FMN2: variants seen among roughly 807,000 people sequenced by gnomAD.
FMN2 encodes formin-2.
Under a neutral mutation model 142.3 loss-of-function variants are expected in FMN2, and 51 were observed. That is an observed-to-expected ratio of 0.36 (90% CI 0.29 to 0.45). The LOEUF (loss-of-function observed/expected upper bound fraction) is 0.45. Among genes scored for constraint, FMN2 ranks in the 20% least tolerant of loss-of-function variants. The pLI, the probability that FMN2 is intolerant of heterozygous loss-of-function variation, is 1.00. For synonymous variants in FMN2, 882 were observed against 869.8 expected, an observed-to-expected ratio of 1.01 and a Z score of -0.25; for missense variants, 1,936 against 2,122.8, an observed-to-expected ratio of 0.91 and a Z score of 1.73.
At chr1:240,263,722 A>T (rs897568225) in intron 7 of FMN2, among the ~76,000 whole-genome samples, 1 of 152,116 alleles carries the variant, frequency 6.6e-6, no homozygotes, top group Non-Finnish European at 1.5e-5. Context: ...TAGATTACAG[A>T]TCTCATCACA....
chr1:240,207,402 A>G lies in FMN2; in HGVS notation c.2590A>G (p.Thr864Ala), dbSNP rs114291166. ...NIPSPPPLPC[T>A]ESSSSMPGLG... ...CCCATCTCCACCACCTCTGCCTTGCACAGAGTCCTCCAGCTCCATGCCTGG... is the reference window on the plus strand; with the variant it reads ...CCCATCTCCACCACCTCTGCCTTGCGCAGAGTCCTCCAGCTCCATGCCTGG... The change falls in exon 5 of 18, where the codon ACA (threonine) becomes GCA (alanine). Residue 864 changes from threonine (T) to alanine (A), a missense_variant. By Grantham distance (58) the Thr-to-Ala change is moderately conservative (BLOSUM62 0). Around this residue, in one of 8 missense-constraint regions of FMN2, gnomAD observed 478 missense variants for 462.8 expected, o/e 1.03. Coordinates refer to ENST00000319653, the MANE Select transcript of FMN2 (RefSeq NM_020066.5). The G allele has an allele frequency of 0.025, 41,041 of 1,613,762 alleles. 663 individuals are homozygous for G. The highest frequency in any genetic ancestry group is 0.03 in the Non-Finnish European group (35,422 of 1,179,844).
Position 240,199,792 on chromosome 1 carries a change from G to A in FMN2, c.1987-7007G>A, listed in dbSNP as rs77119233. Among the ~76,000 whole-genome samples the A allele has an allele frequency of 5.0e-3, 763 of 152,162 alleles. 5 individuals carry two copies. The highest frequency in any genetic ancestry group is 0.017 in the African/African-American group (725 of 41,516). On this transcript the variant is annotated intron_variant, in intron 4 of 17. Coordinates refer to ENST00000319653, the MANE Select transcript of FMN2 (RefSeq NM_020066.5). ...AAAGCATATTAATTATTGTATTGAC[G>A]AACTAAAAATAGATTTAACCTTCCT...
chr1:240,403,188 T>G (rs1157263025), intron 15 of FMN2, among the ~76,000 whole-genome samples: 1 of 152,236 alleles, frequency 6.6e-6, no homozygotes, highest in Non-Finnish European at 1.5e-5. Flanking sequence ...CTGTGAGTAA[T>G]GACAAACAAA....
chr1:240,323,613 T>C (rs980946963), intron 8 of FMN2, among the ~76,000 whole-genome samples: 1 of 152,226 alleles, frequency 6.6e-6, no homozygotes, highest in Admixed American at 6.5e-5. Flanking sequence ...GTGAAAGATC[T>C]TTCTAATATT....
intron 16 of FMN2, among the ~76,000 whole-genome samples, chr1:240,465,163 A>G (rs1034017830): frequency 6.6e-6 from 1 of 152,150 alleles, no homozygotes; most frequent in Non-Finnish European, 1.5e-5. Context: ...AAGACATCGA[A>G]TAAACTTCCC....
intron 3 of FMN2, 90 bp downstream of exon 3, chr1:240,178,158 T>G: frequency 7.6e-7 from 1 of 1,317,830 alleles, no homozygotes; most frequent in Non-Finnish European, 9.9e-7. Context: ...AGTAATCTTT[T>G]ATTTTTAATT....
intron 15 of FMN2, among the ~76,000 whole-genome samples, chr1:240,437,420 C>G (rs1484316578): frequency 6.6e-6 from 1 of 151,802 alleles, no homozygotes; most frequent in Non-Finnish European, 1.5e-5. Flanking sequence ...CTCAGCCTCC[C>G]AAGTAGCTGG....
chr1:240,144,654 C>G (rs1663358472), intron 2 of FMN2: 3 of 1,291,902 alleles, frequency 2.3e-6, no homozygotes, highest in Non-Finnish European at 3.4e-6. Flanking sequence ...TTCTCAGGCT[C>G]AGACACATAA....
Position 240,091,999 on chromosome 1 carries a change from C to G in FMN2, c.-111C>G, listed in dbSNP as rs569874017. 4,013 of 1,379,316 alleles carry G rather than the reference C, an allele frequency of 2.9e-3. 120 individuals carry two copies. In the African/African-American group the frequency reaches 0.055, roughly 19 times the overall value. 85.4% of individuals were successfully genotyped at this position (1,379,316 alleles called of 1,614,324 possible). ...CGGCCTCCCCTCCCAGCGGCTCCCCCCGCCGCCGCCTGACTCTCCCGGGAG... is the reference window on the plus strand; with the variant it reads ...CGGCCTCCCCTCCCAGCGGCTCCCCGCGCCGCCGCCTGACTCTCCCGGGAG... On this transcript the variant is annotated 5_prime_UTR_variant, in exon 1 of 18. Transcript: ENST00000319653.
rs765722857 is a variant in FMN2 at position 240,148,355 on chromosome 1, G to GAGAGAC, written c.1782+25022_1782+25027dup. Among the ~76,000 whole-genome samples the GAGAGAC allele has an allele frequency of 2.6e-3, 360 of 137,324 alleles. 1 individual carries two copies. The highest frequency in any genetic ancestry group is 4.3e-3 in the Non-Finnish European group (278 of 64,186). 90.1% of individuals were successfully genotyped at this position (137,324 alleles called of 152,430 possible). A position where few individuals can be genotyped will look rare whatever the true frequency, so the allele number is the denominator to read the frequency against. On this transcript the variant is annotated intron_variant, in intron 2 of 17. Transcript: ENST00000319653. The stretch of plus-strand genomic sequence containing the variant: ...ACAGACAGATAAAGAGAGAAAGACA[G>GAGAGAC]AGAGACAGAGACAGAGAGAGAGAGA...
chr1:240,200,004 T>C (rs187584833), intron 4 of FMN2, among the ~76,000 whole-genome samples: 39 of 152,328 alleles, frequency 2.6e-4, no homozygotes, highest in Non-Finnish European at 1.5e-4. Context: ...TGTAGAAGGC[T>C]AAAGATAATG....
At chr1:240,278,044 G>A (rs1669276788) in intron 7 of FMN2, among the ~76,000 whole-genome samples, 1 of 152,142 alleles carries the variant, frequency 6.6e-6, no homozygotes, top group African/African-American at 2.4e-5. Flanking sequence ...CTTTTGAGAT[G>A]AATTATTTCT....
intron 16 of FMN2, among the ~76,000 whole-genome samples, chr1:240,455,052 G>A (rs1446986798): frequency 1.4e-5 from 2 of 148,062 alleles, no homozygotes; most frequent in African/African-American, 5.0e-5. Flanking sequence ...AAAAAAAAAA[G>A]TCAAATCACT....
At chr1:240,108,736 T>TA (rs1272927775) in intron 1 of FMN2, among the ~76,000 whole-genome samples, 2 of 152,088 alleles carry the variant, frequency 1.3e-5, no homozygotes, top group African/African-American at 4.8e-5. Flanking sequence ...CTTCTACCAT[T>TA]AAAAAATGCA....
intron 2 of FMN2, among the ~76,000 whole-genome samples, chr1:240,136,051 G>C (rs1662925968): frequency 6.6e-6 from 1 of 151,772 alleles, no homozygotes; most frequent in African/African-American, 2.4e-5. Flanking sequence ...TGTATGACTG[G>C]ATCTTGTAGT....
At chr1:240,117,823 G>A (rs1327888525) in intron 1 of FMN2, among the ~76,000 whole-genome samples, 1 of 152,214 alleles carries the variant, frequency 6.6e-6, no homozygotes, top group African/African-American at 2.4e-5. Context: ...ACACACAGCA[G>A]GGACTGCTGA....
Position 240,207,161 on chromosome 1 carries a change from A to T in FMN2, c.2349A>T (p.Ser783=), listed in dbSNP as rs531074080. Reference sequence around the variant, plus strand: ...GTGGACCTCAGACAAAGTTCTGTTCAGAGATTTCTTTGATTGTGTCTCCAA... The same window carrying T: ...GTGGACCTCAGACAAAGTTCTGTTCTGAGATTTCTTTGATTGTGTCTCCAA... ...AESGPQTKFC[S]EISLIVSPRR... The change falls in exon 5 of 18, where the codon TCA becomes TCT. Residue 783 remains serine, a synonymous_variant. Transcript: ENST00000319653. 2.8e-5 allele frequency: 46 copies of T among 1,614,062 alleles called. No homozygotes were observed. In the South Asian group the frequency reaches 4.9e-4, roughly 17 times the overall value.
intron 8 of FMN2, among the ~76,000 whole-genome samples, chr1:240,297,331 C>T (rs377427867): frequency 6.6e-6 from 1 of 151,994 alleles, no homozygotes; most frequent in Non-Finnish European, 1.5e-5. Context: ...TGTGGTGGCT[C>T]ATGCCTGTAA....
At position 240,212,609 on chromosome 1, in the gene FMN2, TAATC is replaced by T. The variant is rs771759285; in HGVS notation, c.4065+1376_4065+1379del. Among the ~76,000 whole-genome samples, 26 of 152,210 alleles carry T rather than the reference TAATC, an allele frequency of 1.7e-4. 1 individual carries two copies. Among genetic ancestry groups the T allele is most frequent in the Admixed American group, 6.5e-5 (1 of 15,268 alleles). On this transcript the variant is annotated intron_variant, in intron 6 of 17. Coordinates refer to ENST00000319653, the MANE Select transcript of FMN2 (RefSeq NM_020066.5). Reference sequence around the variant, plus strand: ...AACCAGAAGGTTACTCATTTCATAATAATCAGTAAGTCCAGGGTGACAATGTTAA... The same window carrying T: ...AACCAGAAGGTTACTCATTTCATAATAGTAAGTCCAGGGTGACAATGTTAA...
Sources: allele counts gnomAD v4.1 joint callset (sites outside exome capture counted in the v4.1 genomes callset), GRCh38; gene constraint gnomAD v4.1.1; regional missense constraint gnomAD v4.1.1; transcripts MANE v1.5; gene names NCBI Gene and HGNC (gene_info 2026-07-23, HGNC 2026-07-21).